Variants in RNF38 observed in about 807,000 individuals in gnomAD.
RNF38 encodes E3 ubiquitin-protein ligase RNF38.
Under a neutral mutation model 67.2 loss-of-function variants are expected in RNF38, and 15 were observed. That is an observed-to-expected ratio of 0.22 (90% confidence interval 0.15 to 0.34). RNF38 has a LOEUF of 0.34. Ranked by LOEUF, RNF38 falls within the 10% of genes least tolerant of loss-of-function variation. The pLI is 1.00. For synonymous variants in RNF38, 220 were observed against 218.8 expected (o/e 1.01, Z -0.05); for missense variants, 524 against 639.9 (o/e 0.82, Z 1.95).
At chr9:36,359,604 C>A (rs1442731099) in intron 4 of RNF38, among the ~76,000 whole-genome samples, 1 of 152,110 alleles carries the variant, frequency 6.6e-6, no homozygotes, top group Non-Finnish European at 1.5e-5. Flanking sequence ...TCTCACCATA[C>A]ATCTTTTCAT....
At chr9:36,367,408 TTA>T (rs1835057163) in intron 4 of RNF38, among the ~76,000 whole-genome samples, 2 of 152,206 alleles carry the variant, frequency 1.3e-5, no homozygotes, top group South Asian at 2.1e-4. Flanking sequence ...TGGCTAGATT[TTA>T]TATTTCTTGC....
intron 1 of RNF38, among the ~76,000 whole-genome samples, chr9:36,448,143 AGAACT>A (rs1342910661): frequency 1.3e-5 from 2 of 152,254 alleles, no homozygotes; most frequent in Admixed American, 6.5e-5. Flanking sequence ...GAGTGAGGAC[AGAACT>A]GGTCTTCTTA....
chr9:36,401,230 C>T, upstream of RNF38: 1 of 942,072 alleles, frequency 1.1e-6, no homozygotes, highest in Non-Finnish European at 1.3e-6. Flanking sequence ...GGGCTGCGCG[C>T]GGCCCGGCGC....
chr9:36,395,084 T>C (rs771950475), intron 1 of RNF38, among the ~76,000 whole-genome samples: 26 of 152,186 alleles, frequency 1.7e-4, no homozygotes, highest in Non-Finnish European at 2.9e-4. Flanking sequence ...AAAACCCTAT[T>C]TCACAAAACT....
chr9:36,487,518 A>AGGC (rs1407776688), exon 1 of RNF38: 8 of 979,140 alleles, frequency 8.2e-6, no homozygotes, highest in Admixed American at 6.4e-5. Context: ...GCGGCTGCTG[A>AGGC]GGCGGCGGCG....
At chr9:36,435,715 C>T (rs866966374) in intron 1 of RNF38, among the ~76,000 whole-genome samples, 3 of 151,604 alleles carry the variant, frequency 2.0e-5, no homozygotes, top group South Asian at 4.2e-4. Context: ...CTGCAAGCTC[C>T]GCCTCCCGGG....
intron 1 of RNF38, among the ~76,000 whole-genome samples, chr9:36,441,481 C>T (rs567903823): frequency 1.1e-4 from 17 of 152,212 alleles, no homozygotes; most frequent in African/African-American, 3.6e-4. Flanking sequence ...CACGCGCCAC[C>T]ATGCCGGCTA....
chr9:36,404,970 T>C (rs1189888172), upstream of RNF38, among the ~76,000 whole-genome samples: 1 of 152,108 alleles, frequency 6.6e-6, no homozygotes, highest in African/African-American at 2.4e-5. Flanking sequence ...ATTTCTAATA[T>C]ATTAAAAATT....
At chr9:36,482,099 G>A (rs542708646) in intron 1 of RNF38, among the ~76,000 whole-genome samples, 200 of 147,792 alleles carry the variant, frequency 1.4e-3, no homozygotes, top group African/African-American at 4.7e-3. Context: ...TGTTGCCCAG[G>A]CTGGAGTGCA....
intron 9 of RNF38, among the ~76,000 whole-genome samples, chr9:36,346,800 G>A (rs1833271380): frequency 6.6e-6 from 1 of 152,022 alleles, no homozygotes; most frequent in South Asian, 2.1e-4. Flanking sequence ...TAGCTCCCCA[G>A]CCCTTCTAAA....
chr9:36,477,083 G>C (rs886146093), intron 1 of RNF38, among the ~76,000 whole-genome samples: 2 of 152,066 alleles, frequency 1.3e-5, no homozygotes, highest in African/African-American at 2.4e-5. Context: ...CAGCACTTTG[G>C]GGGGCTGAGG....
At chr9:36,420,160 C>A (rs1838581460) in intron 2 of RNF38, among the ~76,000 whole-genome samples, 1 of 152,206 alleles carries the variant, frequency 6.6e-6, no homozygotes, top group African/African-American at 2.4e-5. Context: ...AATATTTAAT[C>A]TGTGCCTCAG....
At chr9:36,400,806 G>A (rs1037206310), upstream of RNF38, 1 of 985,258 alleles carries the variant, frequency 1.0e-6, no homozygotes, top group Admixed American at 6.2e-5. Flanking sequence ...TAACGCCTCG[G>A]AGGCTCCATC....
chr9:36,474,180 G>A (rs1840070070), intron 1 of RNF38, among the ~76,000 whole-genome samples: 1 of 151,326 alleles, frequency 6.6e-6, no homozygotes, highest in Non-Finnish European at 1.5e-5. Flanking sequence ...GGGCGTGGTG[G>A]CGGGCGCCTG....
At chr9:36,401,588 T>A (rs1326718469), upstream of RNF38, among the ~76,000 whole-genome samples, 1 of 152,066 alleles carries the variant, frequency 6.6e-6, no homozygotes, top group African/African-American at 2.4e-5. Context: ...AGATGTCGCT[T>A]GGGGAGGGGA....
intron 2 of RNF38, among the ~76,000 whole-genome samples, chr9:36,389,432 A>G (rs1028762527): frequency 6.6e-6 from 1 of 152,262 alleles, no homozygotes; most frequent in Non-Finnish European, 1.5e-5. Flanking sequence ...GACAAGATAC[A>G]GCTAAAGTTA....
chr9:36,463,957 G>C (rs1303150763), intron 1 of RNF38, among the ~76,000 whole-genome samples: 1 of 151,966 alleles, frequency 6.6e-6, no homozygotes, highest in Non-Finnish European at 1.5e-5. Context: ...CACGAGGTCA[G>C]GAGATAGAGA....
At chr9:36,426,026 T>C (rs1838761595) in intron 1 of RNF38, among the ~76,000 whole-genome samples, 1 of 152,158 alleles carries the variant, frequency 6.6e-6, no homozygotes, top group African/African-American at 2.4e-5. Context: ...ATTATTAATG[T>C]TGGGAAGATG....
At chr9:36,366,680 T>G (rs989146125) in intron 4 of RNF38, among the ~76,000 whole-genome samples, 1 of 152,212 alleles carries the variant, frequency 6.6e-6, no homozygotes, top group African/African-American at 2.4e-5. Context: ...TGAATAGATG[T>G]GGTAATAGTC....
Sources: gnomAD v4.1 joint callset for allele counts (sites outside exome capture counted in the v4.1 genomes callset) on GRCh38, gnomAD v4.1.1 for gene constraint, MANE v1.5 for transcripts, NCBI Gene and HGNC (gene_info 2026-07-23, HGNC 2026-07-21) for gene names.